TMEM131: variants seen among roughly 807,000 people sequenced by gnomAD.
TMEM131 encodes the protein 2610524E03Rik.
A neutral mutation model predicts 211.6 loss-of-function variants in TMEM131; 66 were observed. That is an observed-to-expected ratio of 0.31 (90% CI 0.26 to 0.38). The LOEUF is 0.38. Among genes scored for constraint, TMEM131 ranks in the 10% least tolerant of loss-of-function variants. The pLI is 1.00. For missense variants in TMEM131, 2,036 were observed against 2,299.3 expected, an observed-to-expected ratio of 0.89 and a Z score of 2.34; for synonymous variants, 844 against 841.3, an observed-to-expected ratio of 1.00 and a Z score of -0.06.
chr2:97,906,384 G>A (rs1057462573), intron 3 of TMEM131, among the ~76,000 whole-genome samples: 2 of 152,190 alleles, frequency 1.3e-5, no homozygotes, highest in African/African-American at 2.4e-5. Context: ...AATGTAAAAT[G>A]TGACAGTTGT....
intron 2 of TMEM131, among the ~76,000 whole-genome samples, chr2:97,914,433 A>G (rs2104393144): frequency 6.6e-6 from 1 of 152,106 alleles, no homozygotes; most frequent in Non-Finnish European, 1.5e-5. Flanking sequence ...GTTCTACACA[A>G]TTTTCTCTGC....
At chr2:97,877,546 A>C (rs1216249001) in intron 4 of TMEM131, among the ~76,000 whole-genome samples, 1 of 152,282 alleles carries the variant, frequency 6.6e-6, no homozygotes, top group African/African-American at 2.4e-5. Flanking sequence ...CTCAGAAACA[A>C]CACCACACAT....
At chr2:97,900,143 A>C (rs940344630) in intron 3 of TMEM131, among the ~76,000 whole-genome samples, 3 of 152,124 alleles carry the variant, frequency 2.0e-5, no homozygotes, top group African/African-American at 7.2e-5. Context: ...TTACTCTCTG[A>C]ATTGTGTGGC....
intron 3 of TMEM131, among the ~76,000 whole-genome samples, chr2:97,904,773 C>T (rs902823049): frequency 1.7e-4 from 26 of 149,290 alleles, no homozygotes; most frequent in Admixed American, 3.3e-4. Flanking sequence ...ATTCTATCTT[C>T]GTGACTAGTT....
chr2:97,786,248 A>G (rs2104859611), intron 31 of TMEM131, among the ~76,000 whole-genome samples: 1 of 152,310 alleles, frequency 6.6e-6, no homozygotes, highest in South Asian at 2.1e-4. Flanking sequence ...ATAAAAAGCT[A>G]AAAAACAAGC....
At chr2:97,993,951 T>C (rs774783605) in intron 1 of TMEM131, among the ~76,000 whole-genome samples, 41 of 152,234 alleles carry the variant, frequency 2.7e-4, no homozygotes, top group Non-Finnish European at 8.8e-5. Context: ...ATTATTTCAA[T>C]TCCCTGTGCT....
intron 1 of TMEM131, among the ~76,000 whole-genome samples, chr2:97,995,017 G>C (rs1005276703): frequency 2.0e-5 from 3 of 152,168 alleles, no homozygotes; most frequent in Admixed American, 6.5e-5. Context: ...GAAGCTACAG[G>C]ACCAAGATTT....
intron 31 of TMEM131, among the ~76,000 whole-genome samples, chr2:97,781,471 T>C (rs1270934084): frequency 6.6e-6 from 1 of 152,252 alleles, no homozygotes; most frequent in Non-Finnish European, 1.5e-5. Context: ...GTGAGATTAG[T>C]ACCAATCTGT....
In TMEM131 at chr2:97,792,838, T is replaced by G; in HGVS notation, c.3692A>C (p.Asp1231Ala). 1 of 1,613,978 alleles carries G rather than the reference T, an allele frequency of 6.2e-7. No homozygotes were observed. The highest frequency in any genetic ancestry group is 8.5e-7 in the Non-Finnish European group (1 of 1,179,894). The change falls in exon 31 of 41, where the codon GAC becomes GCC. Residue 1231 changes from aspartate (D) to alanine (A), a missense_variant. Asp to Ala is a moderately radical substitution (Grantham distance 126). Around this residue, in one of 3 missense-constraint regions of TMEM131, gnomAD observed 1,623 missense variants for 1,805.9 expected, o/e 0.90. Coordinates refer to ENST00000186436, the MANE Select transcript of TMEM131 (RefSeq NM_015348.2). Reference protein sequence around the residue: ...HSSHSNRNSADVENVRAKNSS... With the variant: ...HSSHSNRNSAAVENVRAKNSS... ...GTTTTTGGCTCTGACGTTTTCCACG[T>G]CAGCTGAGTTTCTATTGCTGTGACT...
At chr2:97,981,998 G>C (rs542738015) in intron 1 of TMEM131, among the ~76,000 whole-genome samples, 1 of 152,236 alleles carries the variant, frequency 6.6e-6, no homozygotes, top group East Asian at 1.9e-4. Context: ...GAATGTTCCT[G>C]CACAAGTTTT....
chr2:97,780,741 G>A, intron 31 of TMEM131, among the ~76,000 whole-genome samples: 1 of 152,134 alleles, frequency 6.6e-6, no homozygotes, highest in South Asian at 2.1e-4. Context: ...ATGAACAGTG[G>A]GGAAGGCAGG....
At chr2:97,777,773 C>G (rs1004492115) in intron 31 of TMEM131, among the ~76,000 whole-genome samples, 72 of 152,288 alleles carry the variant, frequency 4.7e-4, no homozygotes, top group African/African-American at 1.4e-3. Flanking sequence ...TATAATCGTG[C>G]CACTGTGCCC....
chr2:97,843,844 C>A (rs1683307575), intron 6 of TMEM131, among the ~76,000 whole-genome samples: 1 of 152,060 alleles, frequency 6.6e-6, no homozygotes, highest in Non-Finnish European at 1.5e-5. Context: ...AAGTATGCTT[C>A]ATAAGTGTGT....
chr2:97,857,507 TA>T (rs1673897091), intron 5 of TMEM131, among the ~76,000 whole-genome samples: 1 of 152,254 alleles, frequency 6.6e-6, no homozygotes, highest in Admixed American at 6.5e-5. Flanking sequence ...TTGCTTGACT[TA>T]GCAAAAAGTT....
At chr2:97,939,551 G>T (rs1018710390) in intron 1 of TMEM131, among the ~76,000 whole-genome samples, 2 of 152,068 alleles carry the variant, frequency 1.3e-5, no homozygotes, top group Admixed American at 6.6e-5. Flanking sequence ...CAAACCAAAA[G>T]AAGTCCAGGA....
chr2:97,939,624 G>C (rs2104484795), intron 1 of TMEM131, among the ~76,000 whole-genome samples: 1 of 152,260 alleles, frequency 6.6e-6, no homozygotes. Context: ...CATTCCTTCT[G>C]AAACTATTGC....
At chr2:97,832,501 G>A (rs762045287) in intron 11 of TMEM131, among the ~76,000 whole-genome samples, 6 of 152,064 alleles carry the variant, frequency 3.9e-5, no homozygotes, top group East Asian at 1.9e-4. Context: ...TTGCTTCCTC[G>A]CTGGGGTTTG....
intron 19 of TMEM131, among the ~76,000 whole-genome samples, chr2:97,808,954 G>A (rs1681431140): frequency 6.6e-6 from 1 of 152,110 alleles, no homozygotes; most frequent in African/African-American, 2.4e-5. Flanking sequence ...GAGGTATGAA[G>A]GGACTTTACT....
At chr2:97,792,171 G>T (rs1363733955) in intron 31 of TMEM131, among the ~76,000 whole-genome samples, 1 of 152,128 alleles carries the variant, frequency 6.6e-6, no homozygotes, top group East Asian at 1.9e-4. Flanking sequence ...TTCTGATTTT[G>T]GTAAACAATC....
Sources: gnomAD v4.1 joint callset for allele counts (sites outside exome capture counted in the v4.1 genomes callset) on GRCh38, gnomAD v4.1.1 for gene constraint, gnomAD v4.1.1 regional missense constraint, MANE v1.5 for transcripts, NCBI Gene and HGNC (gene_info 2026-07-23, HGNC 2026-07-21) for gene names.